VWC2L: variants seen among roughly 807,000 people sequenced by gnomAD.
VWC2L encodes von Willebrand factor C domain containing 2 like, also known as von Willebrand factor C domain-containing protein 2-like.
Under a neutral mutation model 21.6 loss-of-function variants are expected in VWC2L, and 10 were observed. The ratio of observed to expected loss-of-function variants is 0.46; its 90% CI spans 0.29 to 0.78. The LOEUF is 0.78. Among genes scored for constraint, VWC2L ranks in the 30% least tolerant of loss-of-function variants. VWC2L has a pLI of 0.10. For missense variants in VWC2L, 209 were observed against 277.1 expected (o/e 0.75, Z 1.74); for synonymous variants, 96 against 94.3 (o/e 1.02, Z -0.10).
chr2:214,541,726 C>T (rs376108168), intron 3 of VWC2L, among the ~76,000 whole-genome samples: 9 of 152,108 alleles, frequency 5.9e-5, no homozygotes, highest in East Asian at 1.9e-4. Flanking sequence ...TTAGCATGTA[C>T]GAGACTCAGC....
chr2:214,567,605 G>GAC (rs1690087857), intron 3 of VWC2L, among the ~76,000 whole-genome samples: 2 of 149,754 alleles, frequency 1.3e-5, no homozygotes, highest in Non-Finnish European at 3.0e-5. Context: ...CAGAGAGAGA[G>GAC]AGAGAGAGAG....
intron 3 of VWC2L, among the ~76,000 whole-genome samples, chr2:214,455,518 T>C (rs1304128267): frequency 6.6e-6 from 1 of 152,208 alleles, no homozygotes; most frequent in Non-Finnish European, 1.5e-5. Context: ...TCATCGCCAC[T>C]AGCATTTATC....
intron 2 of VWC2L, among the ~76,000 whole-genome samples, chr2:214,424,505 T>C (rs1702493267): frequency 6.6e-6 from 1 of 152,190 alleles, no homozygotes; most frequent in Non-Finnish European, 1.5e-5. Flanking sequence ...CACCTCTTTC[T>C]CTATGTACAC....
At chr2:214,509,101 C>T (rs559293243) in intron 3 of VWC2L, among the ~76,000 whole-genome samples, 28 of 152,110 alleles carry the variant, frequency 1.8e-4, no homozygotes, top group Admixed American at 3.9e-4. Context: ...GGATTCTGCT[C>T]CAGATGCACA....
At chr2:214,447,229 C>T (rs1451760067) in intron 3 of VWC2L, among the ~76,000 whole-genome samples, 1 of 152,090 alleles carries the variant, frequency 6.6e-6, no homozygotes, top group African/African-American at 2.4e-5. Context: ...GAGGTTCAAA[C>T]CACTGGCTAC....
chr2:214,414,579 T>A lies in VWC2L; in HGVS notation c.386T>A (p.Phe129Tyr). The A allele has an allele frequency of 6.2e-7, 1 of 1,612,882 alleles. No individual in the cohort carries two copies. Among genetic ancestry groups the A allele is most frequent in the Non-Finnish European group, 8.5e-7 (1 of 1,179,514 alleles). Residue 129 changes from phenylalanine (F) to tyrosine (Y), a missense_variant, in exon 2 of 4, where the codon TTT (phenylalanine) becomes TAT (tyrosine). Coordinates refer to ENST00000312504, the MANE Select transcript of VWC2L (RefSeq NM_001080500.4). The stretch of plus-strand genomic sequence containing the variant: ...AAAAATTACAAAATCTTGGAGGAAT[T>A]TAAGGTATGCGTTACCCTCCATATT... Reference protein sequence around the residue: ...HGKNYKILEEFKPSPCEWCRC... With the variant: ...HGKNYKILEEYKPSPCEWCRC...
chr2:214,509,578 C>T (rs4673844), intron 3 of VWC2L, among the ~76,000 whole-genome samples: 63,960 of 151,832 alleles, frequency 0.42, 14,227 homozygotes, highest in East Asian at 0.73. Context: ...AGAGGGGTAG[C>T]GGGAATGCAG....
chr2:214,414,436 T>C lies in VWC2L; in HGVS notation c.243T>C (p.Asp81=). ...ACTGTCCATGTGTCTGTGCTCTAGA[T>C]GGACCTGTTTGCGACCAACCAGAAT... ...HSNCPCVCAL[D]GPVCDQPECP... The change falls in exon 2 of 4, where the codon GAT becomes GAC. Residue 81 remains aspartate (D), a synonymous_variant. Transcript: ENST00000312504. The C allele has an allele frequency of 6.2e-7, 1 of 1,613,616 alleles. No individual in the cohort carries two copies. Among genetic ancestry groups the C allele is most frequent in the South Asian group, 1.1e-5 (1 of 91,038 alleles).
chr2:214,467,606 T>C (rs1050596313), intron 3 of VWC2L, among the ~76,000 whole-genome samples: 1 of 152,202 alleles, frequency 6.6e-6, no homozygotes, highest in African/African-American at 2.4e-5. Flanking sequence ...TCTAGTGCAC[T>C]GTTACTATAC....
At chr2:214,462,985 C>G (rs1033956028) in intron 3 of VWC2L, among the ~76,000 whole-genome samples, 2 of 152,104 alleles carry the variant, frequency 1.3e-5, no homozygotes, top group Admixed American at 1.3e-4. Context: ...GACGAAAGAA[C>G]ATTTTTTATA....
chr2:214,482,089 A>G (rs1688610520), intron 3 of VWC2L, among the ~76,000 whole-genome samples: 1 of 152,190 alleles, frequency 6.6e-6, no homozygotes, highest in Non-Finnish European at 1.5e-5. Flanking sequence ...ATTGGCAAAA[A>G]TATACGAAAA....
intron 3 of VWC2L, among the ~76,000 whole-genome samples, chr2:214,556,932 T>C (rs1235157256): frequency 6.6e-6 from 1 of 152,196 alleles, no homozygotes; most frequent in Non-Finnish European, 1.5e-5. Flanking sequence ...GTGCTGACTA[T>C]CCTCAGCACA....
At chr2:214,444,140 A>G (rs1413802420) in intron 3 of VWC2L, among the ~76,000 whole-genome samples, 1 of 152,118 alleles carries the variant, frequency 6.6e-6, no homozygotes, top group Non-Finnish European at 1.5e-5. Flanking sequence ...CTAACTACAT[A>G]TGAAAATTTG....
In VWC2L at chr2:214,445,813, TA is replaced by T. The variant is rs896276016; in HGVS notation, c.520+9063del. On this transcript the variant is annotated intron_variant, in intron 3 of 3. Transcript: ENST00000312504. Reference sequence around the variant, plus strand: ...AAGATGATATAATTTTTTCTTTTACTAAAAAAAACAATAGCATGTTCCTTAT... The same window carrying T: ...AAGATGATATAATTTTTTCTTTTACTAAAAAAACAATAGCATGTTCCTTAT... Among the ~76,000 whole-genome samples, 274 of 151,838 alleles carry T rather than the reference TA, an allele frequency of 1.8e-3. 1 individual carries two copies. Among genetic ancestry groups the T allele is most frequent in the African/African-American group, 6.4e-3 (264 of 41,454 alleles).
At chr2:214,565,284 G>T (rs540182358) in intron 3 of VWC2L, among the ~76,000 whole-genome samples, 153 of 152,156 alleles carry the variant, frequency 1.0e-3, no homozygotes, top group African/African-American at 3.5e-3. Flanking sequence ...AAATATCTTT[G>T]CCTACTCTTT....
At chr2:214,437,630 T>C (rs1046568531) in intron 3 of VWC2L, among the ~76,000 whole-genome samples, 3 of 152,196 alleles carry the variant, frequency 2.0e-5, no homozygotes, top group Non-Finnish European at 4.4e-5. Flanking sequence ...ACTCTTATGC[T>C]GAATTCCTAT....
rs1354195674 is a variant in VWC2L at position 214,436,624 on chromosome 2, C to A, written c.391-5C>A. ...AAAAGGGGCTAATTTTAGATTTGTT[C>A]CTAGCCCTCTCCATGTGAATGGTGT... On this transcript the variant is annotated splice_region_variant and splice_polypyrimidine_tract_variant and intron_variant, in intron 2 of 3. Coordinates refer to ENST00000312504, the MANE Select transcript of VWC2L (RefSeq NM_001080500.4). 6.2e-7 allele frequency: 1 copy of A among 1,612,802 alleles called. No individual in the cohort carries two copies. Among genetic ancestry groups the A allele is most frequent in the Non-Finnish European group, 8.5e-7 (1 of 1,179,118 alleles).
At chr2:214,452,435 A>G (rs183176255) in intron 3 of VWC2L, among the ~76,000 whole-genome samples, 104 of 152,280 alleles carry the variant, frequency 6.8e-4, no homozygotes, top group Admixed American at 2.5e-3. Context: ...TGTGGCATGT[A>G]TCAATGGTTC....
intron 3 of VWC2L, among the ~76,000 whole-genome samples, chr2:214,573,558 G>T (rs1690183933): frequency 6.6e-6 from 1 of 152,128 alleles, no homozygotes; most frequent in Admixed American, 6.5e-5. Flanking sequence ...GTTGGCCCTG[G>T]CAAGACCCTG....
Sources: gnomAD v4.1 joint callset for allele counts (sites outside exome capture counted in the v4.1 genomes callset) on GRCh38, gnomAD v4.1.1 for gene constraint, MANE v1.5 for transcripts, NCBI Gene and HGNC (gene_info 2026-07-23, HGNC 2026-07-21) for gene names.